The following GPC6 variants were observed in gnomAD, a reference collection of about 807,000 sequenced individuals.
The protein encoded by GPC6 is glypican 6.
Under a neutral mutation model 55.2 loss-of-function variants are expected in GPC6, and 14 were observed. That is an observed-to-expected ratio of 0.25 (90% confidence interval 0.17 to 0.40). The LOEUF (loss-of-function observed/expected upper bound fraction) is 0.40. Among genes scored for constraint, GPC6 ranks in the 10% least tolerant of loss-of-function variants. The pLI is 1.00. For synonymous variants in GPC6, 278 were observed against 259.6 expected (o/e 1.07, Z -0.68); for missense variants, 641 against 708.5 (o/e 0.90, Z 1.08).
chr13:93,900,039 C>T (rs1202502661), intron 3 of GPC6, among the ~76,000 whole-genome samples: 3 of 152,158 alleles, frequency 2.0e-5, no homozygotes, highest in Non-Finnish European at 4.4e-5. Flanking sequence ...TTTGTGGACT[C>T]AAACAAAATT....
intron 3 of GPC6, among the ~76,000 whole-genome samples, chr13:93,832,144 T>TAA (rs1887541834): frequency 9.9e-6 from 1 of 100,782 alleles, no homozygotes; most frequent in Admixed American, 1.2e-4. Context: ...TATATATATA[T>TAA]AATGTCCTTA....
At chr13:93,590,835 A>G (rs1414020703) in intron 2 of GPC6, among the ~76,000 whole-genome samples, 4 of 152,056 alleles carry the variant, frequency 2.6e-5, no homozygotes, top group African/African-American at 2.4e-5. Context: ...ATAACATTCA[A>G]TTTTTCATGA....
chr13:93,934,638 A>G (rs1878339437), intron 3 of GPC6, among the ~76,000 whole-genome samples: 1 of 152,198 alleles, frequency 6.6e-6, no homozygotes, highest in Non-Finnish European at 1.5e-5. Flanking sequence ...AACAATGATC[A>G]GTCTGCTTTC....
chr13:94,308,387 A>C lies in GPC6; in HGVS notation c.1152+2264A>C, dbSNP rs555733946. On this transcript the variant is annotated intron_variant, in intron 6 of 8. Transcript: ENST00000377047. ...AAGGAACTTTATTGGTAATGTTCAA[A>C]ATGCTCTAGCTATAAAGGTCTCGAG... Among the ~76,000 whole-genome samples, 7 of 152,356 alleles carry C rather than the reference A, an allele frequency of 4.6e-5. 1 individual carries two copies. The South Asian group carries it at 1.4e-3, about 32-fold the overall frequency.
chr13:94,072,630 G>A (rs1884776514), intron 4 of GPC6, among the ~76,000 whole-genome samples: 1 of 152,222 alleles, frequency 6.6e-6, no homozygotes, highest in Non-Finnish European at 1.5e-5. Context: ...GGGATTAGAG[G>A]CGTGAGCCAC....
intron 3 of GPC6, among the ~76,000 whole-genome samples, chr13:93,989,195 C>T (rs1881175819): frequency 6.6e-6 from 1 of 152,096 alleles, no homozygotes; most frequent in Non-Finnish European, 1.5e-5. Flanking sequence ...CCTCTAACTC[C>T]CTGACAAGTG....
In GPC6 at chr13:93,653,418, G is replaced by A. The variant is rs1007012924; in HGVS notation, c.319+107997G>A. 3.4e-4 allele frequency among the ~76,000 whole-genome samples: 52 copies of A among 152,046 alleles called. 1 individual carries two copies. Among genetic ancestry groups the A allele is most frequent in the Non-Finnish European group, 1.5e-5 (1 of 68,014 alleles). On this transcript the variant is annotated intron_variant, in intron 2 of 8. Coordinates refer to ENST00000377047, the MANE Select transcript of GPC6 (RefSeq NM_005708.5). ...GAAAGATAATTGAACTCTAAAAAAC[G>A]TTAAGTATGTAAATGAATCTCGGCT...
At chr13:93,532,381 T>C (rs1881901668) in intron 1 of GPC6, among the ~76,000 whole-genome samples, 1 of 152,174 alleles carries the variant, frequency 6.6e-6, no homozygotes, top group Non-Finnish European at 1.5e-5. Context: ...CCTGATTATC[T>C]TTTGTGTTGA....
At chr13:93,519,755 C>T (rs1881337307) in intron 1 of GPC6, among the ~76,000 whole-genome samples, 1 of 151,914 alleles carries the variant, frequency 6.6e-6, no homozygotes, top group Non-Finnish European at 1.5e-5. Flanking sequence ...TCATGCCTGG[C>T]TCAGACTGTA....
At position 93,682,214 on chromosome 13, in the gene GPC6, T is replaced by C. The variant is rs1030089968; in HGVS notation, c.319+136793T>C. The stretch of plus-strand genomic sequence containing the variant: ...TGAAAATGCGTTTGCAGCCAATTTA[T>C]GGGGCAGTGTCCCAGGAGCAACGCA... On this transcript the variant is annotated intron_variant, in intron 2 of 8. Coordinates refer to ENST00000377047, the MANE Select transcript of GPC6 (RefSeq NM_005708.5). Among the ~76,000 whole-genome samples, 7 of 152,272 alleles carry C rather than the reference T, an allele frequency of 4.6e-5. No individual in the cohort carries two copies. In the South Asian group the frequency reaches 8.3e-4, roughly 18 times the overall value.
chr13:93,232,276 A>G (rs2139003985), intron 1 of GPC6, among the ~76,000 whole-genome samples: 1 of 152,248 alleles, frequency 6.6e-6, no homozygotes, highest in South Asian at 2.1e-4. Context: ...CTGTTTAGTT[A>G]GCTGATTTCT....
chr13:94,068,058 T>G (rs571228661), intron 4 of GPC6, among the ~76,000 whole-genome samples: 1 of 152,156 alleles, frequency 6.6e-6, no homozygotes, highest in South Asian at 2.1e-4. Flanking sequence ...GCTCTGGATA[T>G]GTCTGTATTG....
intron 5 of GPC6, among the ~76,000 whole-genome samples, chr13:94,290,249 C>T (rs1167372739): frequency 6.6e-6 from 1 of 151,692 alleles, no homozygotes; most frequent in Non-Finnish European, 1.5e-5. Flanking sequence ...CAGACAGACT[C>T]CCATCTCTAT....
intron 2 of GPC6, among the ~76,000 whole-genome samples, chr13:93,650,958 TC>T (rs1880383895): frequency 6.6e-6 from 1 of 152,158 alleles, no homozygotes. Flanking sequence ...CTTTAAAACT[TC>T]CTTGAAAAAT....
intron 1 of GPC6, among the ~76,000 whole-genome samples, chr13:93,514,496 A>G (rs1881109243): frequency 6.6e-6 from 1 of 152,220 alleles, no homozygotes; most frequent in East Asian, 1.9e-4. Flanking sequence ...GATAACTTTG[A>G]GGCTGTATTG....
At chr13:93,934,157 A>G (rs1213711261) in intron 3 of GPC6, among the ~76,000 whole-genome samples, 1 of 152,184 alleles carries the variant, frequency 6.6e-6, no homozygotes, top group Non-Finnish European at 1.5e-5. Flanking sequence ...TTTAGAAAAT[A>G]TACATACAAG....
intron 2 of GPC6, among the ~76,000 whole-genome samples, chr13:93,801,354 A>C (rs1282781829): frequency 3.9e-5 from 6 of 152,244 alleles, no homozygotes. Flanking sequence ...TTTGCTTCTC[A>C]AAAGGTGTAG....
intron 4 of GPC6, among the ~76,000 whole-genome samples, chr13:94,136,350 G>T (rs1414615256): frequency 6.6e-6 from 1 of 152,170 alleles, no homozygotes; most frequent in Non-Finnish European, 1.5e-5. Context: ...GCGATAAGAG[G>T]CCAGGCATGG....
At chr13:94,145,052 T>A (rs1593983120) in intron 4 of GPC6, among the ~76,000 whole-genome samples, 1 of 152,238 alleles carries the variant, frequency 6.6e-6, no homozygotes, top group South Asian at 2.1e-4. Context: ...GTCCTAGATT[T>A]TATTTTTTCT....
Sources: gnomAD v4.1 joint callset for allele counts (sites outside exome capture counted in the v4.1 genomes callset) on GRCh38, gnomAD v4.1.1 for gene constraint, MANE v1.5 for transcripts, NCBI Gene and HGNC (gene_info 2026-07-23, HGNC 2026-07-21) for gene names.